GLIPR1L2: variants seen among roughly 807,000 people sequenced by gnomAD.
The protein encoded by GLIPR1L2 is GLIPR1 like 2.
In GLIPR1L2, 21 loss-of-function variants were observed where a neutral mutation model predicts 28.4. The observed-to-expected ratio is 0.74, with a 90% CI of 0.52 to 1.06. The LOEUF (loss-of-function observed/expected upper bound fraction) is 1.06, where lower values mean the gene tolerates loss of function less well. Ranked by LOEUF, GLIPR1L2 falls within the 50% of genes least tolerant of loss-of-function variation. GLIPR1L2 has a pLI of 0.00. For synonymous variants in GLIPR1L2, 145 were observed against 139.3 expected (o/e 1.04, Z -0.29); for missense variants, 476 against 416.9 (o/e 1.14, Z -1.23).
At chr12:75,391,384 C>G (rs376835599) in intron 1 of GLIPR1L2, 34 bp downstream of exon 1, 19 of 1,605,958 alleles carry the variant, frequency 1.2e-5, no homozygotes, top group African/African-American at 1.3e-5. Flanking sequence ...GACCCTTCCA[C>G]TACCGTTGCC....
chr12:75,396,653 G>T (rs2139917897), intron 1 of GLIPR1L2, among the ~76,000 whole-genome samples: 1 of 152,208 alleles, frequency 6.6e-6, no homozygotes, highest in Middle Eastern at 3.4e-3. Flanking sequence ...CCACAGTATG[G>T]TTCCTATACC....
intron 1 of GLIPR1L2, among the ~76,000 whole-genome samples, chr12:75,394,479 G>A (rs1206549854): frequency 6.6e-6 from 1 of 151,728 alleles, no homozygotes; most frequent in African/African-American, 2.4e-5. Context: ...AACTTCATTT[G>A]CTGGAAAGAT....
intron 4 of GLIPR1L2, among the ~76,000 whole-genome samples, 182 bp from the exon 5 acceptor site, chr12:75,430,533 C>T (rs2046080729): frequency 6.6e-6 from 1 of 152,090 alleles, no homozygotes; most frequent in Non-Finnish European, 1.5e-5. Flanking sequence ...TGTAGCAGAC[C>T]AGGCTGATTT....
At chr12:75,405,303 T>TA (rs2045785205) in intron 1 of GLIPR1L2, among the ~76,000 whole-genome samples, 1 of 152,192 alleles carries the variant, frequency 6.6e-6, no homozygotes, top group South Asian at 2.1e-4. Flanking sequence ...CTACAACAGT[T>TA]ACTACTGTTA....
chr12:75,405,767 A>C (rs145494550), intron 1 of GLIPR1L2, among the ~76,000 whole-genome samples: 9 of 152,250 alleles, frequency 5.9e-5, no homozygotes, highest in Admixed American at 5.9e-4. Flanking sequence ...CAAATATAGA[A>C]ATATGGATAT....
At position 75,398,328 on chromosome 12, in the gene GLIPR1L2, C is replaced by CA. The variant is rs71078729; in HGVS notation, c.234+7001dup. Among the ~76,000 whole-genome samples the CA allele has an allele frequency of 8.5e-3, 744 of 87,418 alleles. 21 individuals are homozygous for CA. Among genetic ancestry groups the CA allele is most frequent in the African/African-American group, 0.016 (338 of 20,708 alleles). The allele number at this position is 87,418 out of a possible 152,430, so 57.3% of individuals were successfully genotyped here. ...TGGGCGATAGAATGAGACTCCATCT[C>CA]AAAAAAAAAAAAAAAAAAAAAAACT... On this transcript the variant is annotated intron_variant, in intron 1 of 5. Transcript: ENST00000550916.
At chr12:75,391,965 C>G (rs2045614105) in intron 1 of GLIPR1L2, among the ~76,000 whole-genome samples, 1 of 151,738 alleles carries the variant, frequency 6.6e-6, no homozygotes, top group Non-Finnish European at 1.5e-5. Context: ...TTTTGCCTTA[C>G]CTTACAATGC....
At chr12:75,420,847 T>C (rs1302536017) in intron 3 of GLIPR1L2, among the ~76,000 whole-genome samples, 1 of 152,252 alleles carries the variant, frequency 6.6e-6, no homozygotes, top group African/African-American at 2.4e-5. Context: ...ATAATGATTA[T>C]AAAACTCAAA....
At chr12:75,391,386 A>G (rs746416778) in intron 1 of GLIPR1L2, 36 bp downstream of exon 1, 2 of 1,605,738 alleles carry the variant, frequency 1.2e-6, no homozygotes, top group East Asian at 2.2e-5. Flanking sequence ...CCCTTCCACT[A>G]CCGTTGCCAC....
At chr12:75,427,213 A>G (rs956786211) in intron 4 of GLIPR1L2, among the ~76,000 whole-genome samples, 5 of 131,966 alleles carry the variant, frequency 3.8e-5, no homozygotes, top group African/African-American at 1.1e-4. Flanking sequence ...GTTTAAATGT[A>G]TGTAACTATT....
intron 4 of GLIPR1L2, chr12:75,424,186 A>C (rs1280178028): frequency 6.6e-6 from 1 of 152,220 alleles, no homozygotes; most frequent in East Asian, 1.9e-4. Flanking sequence ...TCCCACCTAC[A>C]GTGTAAAAGT....
Position 75,430,826 on chromosome 12 carries a change from T to C in GLIPR1L2, c.700T>C (p.Tyr234His). ...SNADRDQATY[Y>H]RFWYPKWEMP... ...TTCAATTGCTTCTTTGTTTACAGAT[T>C]ACCGATTTTGGTATCCAAAATGGGA... Residue 234 changes from tyrosine to histidine, a missense_variant and splice_region_variant, in exon 6 of 6, where the codon TAC becomes CAC. Tyr to His is a moderately conservative substitution (Grantham distance 83). Coordinates refer to ENST00000550916, the MANE Select transcript of GLIPR1L2 (RefSeq NM_001270396.2). 1 of 1,533,450 alleles carries C rather than the reference T, an allele frequency of 6.5e-7. No individual in the cohort carries two copies. The highest frequency in any genetic ancestry group is 8.7e-7 in the Non-Finnish European group (1 of 1,145,340). The allele number at this position is 1,533,450 out of a possible 1,614,324, so 95.0% of individuals were successfully genotyped here.
intron 1 of GLIPR1L2, among the ~76,000 whole-genome samples, chr12:75,397,121 A>C (rs866767675): frequency 2.0e-5 from 3 of 151,616 alleles, no homozygotes; most frequent in Non-Finnish European, 2.9e-5. Flanking sequence ...ACAGCTCTCC[A>C]TTTTCTCCCT....
chr12:75,428,023 G>C (rs1188112085), intron 4 of GLIPR1L2, among the ~76,000 whole-genome samples: 1 of 152,196 alleles, frequency 6.6e-6, no homozygotes, highest in Admixed American at 6.5e-5. Flanking sequence ...TTGCTGAAAA[G>C]ATACCTGAAA....
At chr12:75,391,911 C>A (rs2045612294) in intron 1 of GLIPR1L2, among the ~76,000 whole-genome samples, 1 of 149,490 alleles carries the variant, frequency 6.7e-6, no homozygotes, top group Non-Finnish European at 1.5e-5. Context: ...AAATTTGGCT[C>A]CTAAGGAAGT....
chr12:75,411,487 C>G (rs1176761727), intron 2 of GLIPR1L2, among the ~76,000 whole-genome samples: 1 of 151,612 alleles, frequency 6.6e-6, no homozygotes, highest in Non-Finnish European at 1.5e-5. Flanking sequence ...ATTTTTTCAT[C>G]AGTTTTTTTT....
At chr12:75,419,295 G>C (rs2045954569) in intron 3 of GLIPR1L2, among the ~76,000 whole-genome samples, 1 of 152,194 alleles carries the variant, frequency 6.6e-6, no homozygotes, top group Admixed American at 6.5e-5. Flanking sequence ...CCTGGAAGGA[G>C]GATAGGAGGT....
At chr12:75,420,848 A>G (rs555774673) in intron 3 of GLIPR1L2, among the ~76,000 whole-genome samples, 2 of 152,344 alleles carry the variant, frequency 1.3e-5, no homozygotes, top group Admixed American at 6.5e-5. Flanking sequence ...TAATGATTAT[A>G]AAACTCAAAT....
chr12:75,412,269 C>T (rs930290962), intron 2 of GLIPR1L2, among the ~76,000 whole-genome samples: 7 of 151,960 alleles, frequency 4.6e-5, no homozygotes, highest in Admixed American at 6.6e-5. Flanking sequence ...TCAGGCATGA[C>T]GTCCTTTGGC....
Sources: allele counts gnomAD v4.1 joint callset (sites outside exome capture counted in the v4.1 genomes callset), GRCh38; gene constraint gnomAD v4.1.1; transcripts MANE v1.5; gene names NCBI Gene and HGNC (gene_info 2026-07-23, HGNC 2026-07-21).